NET1: variants seen among roughly 807,000 people sequenced by gnomAD.
The protein encoded by NET1 is neuroepithelial cell-transforming gene 1 protein.
NET1 carries 42 observed loss-of-function variants against 61.1 expected under a neutral mutation model. That is an observed-to-expected ratio of 0.69 (90% CI 0.54 to 0.89). The LOEUF (loss-of-function observed/expected upper bound fraction) is 0.89. Among genes scored for constraint, NET1 ranks in the 40% least tolerant of loss-of-function variants. The probability of loss-of-function intolerance (pLI) is 0.00; values close to 1 mark genes in which losing one functional copy is unlikely to be tolerated. For missense variants in NET1, 654 were observed against 747.3 expected, an observed-to-expected ratio of 0.88 and a Z score of 1.46; for synonymous variants, 254 against 281.8, an observed-to-expected ratio of 0.90 and a Z score of 0.99.
At chr10:5,450,912 A>T (rs1355341534) in intron 3 of NET1, among the ~76,000 whole-genome samples, 2 of 152,236 alleles carry the variant, frequency 1.3e-5, no homozygotes, top group Non-Finnish European at 2.9e-5. Context: ...TAACATGTAG[A>T]ATCATAACTA....
chr10:5,413,130 A>G (rs1832030175), intron 1 of NET1, among the ~76,000 whole-genome samples: 1 of 152,000 alleles, frequency 6.6e-6, no homozygotes, highest in Admixed American at 6.6e-5. Context: ...TGAGACCCCA[A>G]ACTGCGATTT....
rs938881158 is a variant in NET1 at position 5,450,316 on chromosome 10, T to G, written c.256-1514T>G. On this transcript the variant is annotated intron_variant, in intron 3 of 11. Transcript: ENST00000355029. ...AGTTCACATTCCTTTCTGATACATA[T>G]GTATACATTTAGGAGCTTTAATGAG... 3.9e-5 allele frequency among the ~76,000 whole-genome samples: 6 copies of G among 152,322 alleles called. No homozygotes were observed. In the East Asian group the frequency reaches 9.6e-4, roughly 24 times the overall value.
rs148221068 is a variant in NET1 at position 5,454,661 on chromosome 10, G to C, written c.1026+139G>C. ...TTTTAAGTACCCAGTGCGTTAGTAC[G>C]CTGTGCACTAAGCAATAAGGAGCTG... On this transcript the variant is annotated intron_variant, in intron 9 of 11. Transcript: ENST00000355029. The surrounding 1 kb of genome is among the most constrained non-coding windows in gnomAD (Gnocchi z 8.1). 25 of 1,003,932 alleles carry C rather than the reference G, an allele frequency of 2.5e-5. No individual in the cohort carries two copies. The East Asian group carries it at 6.4e-4, about 26-fold the overall frequency. The allele number at this position is 1,003,932 out of a possible 1,614,324, so 62.2% of individuals were successfully genotyped here. A position where few individuals can be genotyped will look rare whatever the true frequency, so the allele number is the denominator to read the frequency against.
rs990982771 is a variant in NET1 at position 5,454,603 on chromosome 10, T to C, written c.1026+81T>C. On this transcript the variant is annotated intron_variant, in intron 9 of 11. Transcript: ENST00000355029. The surrounding 1 kb of genome is among the most constrained non-coding windows in gnomAD (Gnocchi z 8.1). Reference sequence around the variant, plus strand: ...TTAGAACGTTATCTTCTGAAGATGCTGATTCACATCAGCATAGTGAATTGT... The same window carrying C: ...TTAGAACGTTATCTTCTGAAGATGCCGATTCACATCAGCATAGTGAATTGT... 8 of 1,471,898 alleles carry C rather than the reference T, an allele frequency of 5.4e-6. No individual in the cohort carries two copies. In the African/African-American group the frequency reaches 1.1e-4, roughly 21 times the overall value. 91.2% of individuals were successfully genotyped at this position (1,471,898 alleles called of 1,614,324 possible).
intron 1 of NET1, among the ~76,000 whole-genome samples, chr10:5,425,298 A>G (rs932014109): frequency 2.6e-5 from 4 of 152,152 alleles, no homozygotes; most frequent in South Asian, 4.2e-4. Context: ...TTTCTCCTTC[A>G]TATTTAGCTT....
At position 5,456,270 on chromosome 10, in the gene NET1, A is replaced by G; in HGVS notation, c.1381A>G (p.Lys461Glu). The change falls in exon 11 of 12, where the codon AAA (lysine) becomes GAA (glutamate). Residue 461 changes from lysine (K) to glutamate (E), a missense_variant. By Grantham distance (56) the Lys-to-Glu change is moderately conservative (BLOSUM62 1). Coordinates refer to ENST00000355029, the MANE Select transcript of NET1 (RefSeq NM_001047160.3). This position sits in a 1 kb window ranked among gnomAD's most constrained non-coding sequence, Gnocchi z 7.0. ...SFRGAFSNSE[K>E]AKNIFRIRFH... ...TCGAGGAGCTTTCAGTAACTCAGAG[A>G]AAGGTAAAATGCAGGCCTTCAATAA... is the stretch of plus-strand genomic sequence containing the variant. The G allele has an allele frequency of 6.2e-7, 1 of 1,607,100 alleles. No homozygotes were observed. The highest frequency in any genetic ancestry group is 8.5e-7 in the Non-Finnish European group (1 of 1,176,820).
chr10:5,433,641 C>T (rs906372465), intron 3 of NET1, among the ~76,000 whole-genome samples: 2 of 152,146 alleles, frequency 1.3e-5, no homozygotes, highest in Non-Finnish European at 2.9e-5. Flanking sequence ...ATATTTTACT[C>T]CATTGTGTTC....
rs1832530168 is a variant in NET1, at chr10:5,441,982, A to G, written c.256-9848A>G. The stretch of plus-strand genomic sequence containing the variant: ...TTGAATTCTAGAGTTTTAAAATGGA[A>G]TGTAGTTTTCTTATATTTAGAAAAA... On this transcript the variant is annotated intron_variant, in intron 3 of 11. Coordinates refer to ENST00000355029, the MANE Select transcript of NET1 (RefSeq NM_001047160.3). This position sits in a 1 kb window ranked among gnomAD's most constrained non-coding sequence, Gnocchi z 4.6. 1.3e-5 allele frequency among the ~76,000 whole-genome samples: 2 copies of G among 152,204 alleles called. No individual in the cohort carries two copies. Among genetic ancestry groups the G allele is most frequent in the South Asian group, 2.1e-4 (1 of 4,836 alleles).
chr10:5,447,085 G>A lies in NET1; in HGVS notation c.256-4745G>A, dbSNP rs890533729. On this transcript the variant is annotated intron_variant, in intron 3 of 11. Transcript: ENST00000355029. This position sits in a 1 kb window ranked among gnomAD's most constrained non-coding sequence, Gnocchi z 4.1. ...GAGTGTACACAGCTTTTATAAAAAA[G>A]GAAAAGATTTTAAATGTATATGTTA... 2.0e-5 allele frequency among the ~76,000 whole-genome samples: 3 copies of A among 152,096 alleles called. No homozygotes were observed. The highest frequency in any genetic ancestry group is 4.4e-5 in the Non-Finnish European group (3 of 68,012).
In NET1 at chr10:5,429,229, G is replaced by GGTAA. The variant is rs769484492; in HGVS notation, c.255+2_255+5dup. 12 of 1,600,316 alleles carry GGTAA rather than the reference G, an allele frequency of 7.5e-6. No individual in the cohort carries two copies. The East Asian group carries it at 2.7e-4, about 36-fold the overall frequency. On this transcript the variant is annotated frameshift_variant and splice_region_variant. Transcript: ENST00000355029. LOFTEE classifies it high-confidence loss of function. Reference sequence around the variant, plus strand: ...TAAGCCTTAGCAGCCTTGATCTGAAGGTAAGCCCTGCTGCCCTGTTAAAGA... The same window carrying GGTAA: ...TAAGCCTTAGCAGCCTTGATCTGAAGGTAAGTAAGCCCTGCTGCCCTGTTAAAGA...
chr10:5,420,670 A>T lies in NET1; in HGVS notation c.129-5985A>T, dbSNP rs1470164416. Among the ~76,000 whole-genome samples the T allele has an allele frequency of 6.6e-6, 1 of 152,072 alleles. No individual in the cohort carries two copies. Among genetic ancestry groups the T allele is most frequent in the Non-Finnish European group, 1.5e-5 (1 of 68,014 alleles). On this transcript the variant is annotated intron_variant, in intron 1 of 11. Transcript: ENST00000355029. The surrounding 1 kb of genome is among the most constrained non-coding windows in gnomAD (Gnocchi z 5.3). ...GAGTGCAGTGGCGCGATCTCGGCTC[A>T]CTGTAGCCTCCGACTCCCTGGTTCA...
At chr10:5,433,467 C>T (rs1382286567) in intron 3 of NET1, among the ~76,000 whole-genome samples, 1 of 152,156 alleles carries the variant, frequency 6.6e-6, no homozygotes, top group Admixed American at 6.6e-5. Context: ...GTTTGCTGAC[C>T]CCTGCCCTGG....
rs1353865518 is a variant in NET1, at chr10:5,423,330, A to G, written c.129-3325A>G. Among the ~76,000 whole-genome samples, 1 of 152,196 alleles carries G rather than the reference A, an allele frequency of 6.6e-6. No individual in the cohort carries two copies. The highest frequency in any genetic ancestry group is 1.5e-5 in the Non-Finnish European group (1 of 68,018). ...GTGGTGACACAAATCAGAAACTCTG[A>G]AAACATAATTTGGCTTAAGAATGAA... On this transcript the variant is annotated intron_variant, in intron 1 of 11. Coordinates refer to ENST00000355029, the MANE Select transcript of NET1 (RefSeq NM_001047160.3). This position sits in a 1 kb window ranked among gnomAD's most constrained non-coding sequence, Gnocchi z 4.4.
chr10:5,451,812 T>C lies in NET1; in HGVS notation c.256-18T>C, dbSNP rs1832710141. ...GCACCTAGACATATATTTAGTGTCATCTGGTTTGTTTTTATAGGAGCCAAG... is the reference window on the plus strand; with the variant it reads ...GCACCTAGACATATATTTAGTGTCACCTGGTTTGTTTTTATAGGAGCCAAG... On this transcript the variant is annotated intron_variant, in intron 3 of 11. Transcript: ENST00000355029. The surrounding 1 kb of genome is among the most constrained non-coding windows in gnomAD (Gnocchi z 6.1). 2 of 1,601,896 alleles carry C rather than the reference T, an allele frequency of 1.2e-6. No individual in the cohort carries two copies. Among genetic ancestry groups the C allele is most frequent in the Non-Finnish European group, 1.7e-6 (2 of 1,169,744 alleles).
Position 5,456,062 on chromosome 10 carries a change from T to A in NET1, c.1198-25T>A. ...CACTTAAAAACACAAGTTTCCTATT[T>A]AGCGTTTGTTTCCCATTTCTCCAGA... is the stretch of plus-strand genomic sequence containing the variant. On this transcript the variant is annotated intron_variant, in intron 10 of 11. Transcript: ENST00000355029. This position sits in a 1 kb window ranked among gnomAD's most constrained non-coding sequence, Gnocchi z 7.0. The A allele has an allele frequency of 6.3e-7, 1 of 1,593,786 alleles. No individual in the cohort carries two copies. The highest frequency in any genetic ancestry group is 1.1e-5 in the South Asian group (1 of 88,436).
Position 5,452,857 on chromosome 10 carries a change from G to A in NET1, c.532-1G>A. The A allele has an allele frequency of 6.2e-7, 1 of 1,611,880 alleles. No individual in the cohort carries two copies. Among genetic ancestry groups the A allele is most frequent in the Non-Finnish European group, 8.5e-7 (1 of 1,179,310 alleles). On this transcript the variant is annotated splice_acceptor_variant, in intron 5 of 11. Transcript: ENST00000355029. LOFTEE classifies it high-confidence loss of function. The surrounding 1 kb of genome is among the most constrained non-coding windows in gnomAD (Gnocchi z 4.0). Reference sequence around the variant, plus strand: ...CTCTGATGTTTGCTGGATGTTTTTAGGCAATATATGAAATGTCCCGAGGTG... The same window carrying A: ...CTCTGATGTTTGCTGGATGTTTTTAAGCAATATATGAAATGTCCCGAGGTG...
chr10:5,435,523 AG>A lies in NET1; in HGVS notation c.255+6295del, dbSNP rs1832415674. On this transcript the variant is annotated intron_variant, in intron 3 of 11. Transcript: ENST00000355029. The surrounding 1 kb of genome is among the most constrained non-coding windows in gnomAD (Gnocchi z 5.0). ...TAGATAGATAGATAGATAGATAGAT[AG>A]ATAGATAGACAGACAGACAGATAGA... is the stretch of plus-strand genomic sequence containing the variant. Among the ~76,000 whole-genome samples, 1 of 3,976 alleles carries A rather than the reference AG, an allele frequency of 2.5e-4. No homozygotes were observed. The allele number at this position is 3,976 out of a possible 152,430, so 2.6% of individuals were successfully genotyped here.
Position 5,439,583 on chromosome 10 carries a change from G to A in NET1, c.255+10354G>A, listed in dbSNP as rs987324573. Among the ~76,000 whole-genome samples, 1 of 152,202 alleles carries A rather than the reference G, an allele frequency of 6.6e-6. No homozygotes were observed. Among genetic ancestry groups the A allele is most frequent in the African/African-American group, 2.4e-5 (1 of 41,444 alleles). On this transcript the variant is annotated intron_variant, in intron 3 of 11. Transcript: ENST00000355029. The surrounding 1 kb of genome is among the most constrained non-coding windows in gnomAD (Gnocchi z 4.8). ...GACCCTGTTTGTTTTGGGCACCTCTGATCGCACAGTTAAATGATGTCCTGT... is the reference window on the plus strand; with the variant it reads ...GACCCTGTTTGTTTTGGGCACCTCTAATCGCACAGTTAAATGATGTCCTGT...
chr10:5,422,067 G>A lies in NET1; in HGVS notation c.129-4588G>A, dbSNP rs2119169419. On this transcript the variant is annotated intron_variant, in intron 1 of 11. Transcript: ENST00000355029. This position sits in a 1 kb window ranked among gnomAD's most constrained non-coding sequence, Gnocchi z 4.1. ...GCATGTAAGTCTTAGTGTAGGCTGG[G>A]CGCGGTGGCTCACGCCTATAATCCC... Among the ~76,000 whole-genome samples the A allele has an allele frequency of 6.6e-6, 1 of 152,294 alleles. No homozygotes were observed. The highest frequency in any genetic ancestry group is 1.5e-5 in the Non-Finnish European group (1 of 68,028).
Sources: allele counts gnomAD v4.1 joint callset (sites outside exome capture counted in the v4.1 genomes callset), GRCh38; gene constraint gnomAD v4.1.1; non-coding constraint Gnocchi (gnomAD v3.1); transcripts MANE v1.5; gene names NCBI Gene and HGNC (gene_info 2026-07-23, HGNC 2026-07-21).